SPATA31H1: variants seen among roughly 807,000 people sequenced by gnomAD.
The protein encoded by SPATA31H1 is spermatogenesis-associated protein 31H1.
At chr2:27,572,502 C>A in the SPATA31H1 span, 36 of 398,268 alleles carry the variant, frequency 9.0e-5, no homozygotes, top group Middle Eastern at 1.9e-3. Context: ...AGGTGCAAAA[C>A]CTATGGAGTT....
At chr2:27,548,760 C>A in the SPATA31H1 span, among the ~76,000 whole-genome samples, 5 of 151,466 alleles carry the variant, frequency 3.3e-5, no homozygotes, top group African/African-American at 1.2e-4. Context: ...TTATTTTATT[C>A]TGTCCATTTA....
the SPATA31H1 span, chr2:27,581,492 T>A: frequency 6.3e-7 from 1 of 1,581,156 alleles, no homozygotes; most frequent in East Asian, 2.2e-5. Context: ...GCCATCGCGG[T>A]CCCTCTCAGA....
At chr2:27,548,607 C>CAAAA in the SPATA31H1 span, among the ~76,000 whole-genome samples, 2 of 120,266 alleles carry the variant, frequency 1.7e-5, no homozygotes, top group Non-Finnish European at 3.5e-5. Context: ...GGCCCTGTTT[C>CAAAA]AAAAAAAAAA....
chr2:27,570,308 T>A, the SPATA31H1 span: 1 of 398,906 alleles, frequency 2.5e-6, no homozygotes, highest in Non-Finnish European at 4.4e-6. Flanking sequence ...GCATGAAATC[T>A]GCGAAATTGA....
At chr2:27,540,262 C>T in the SPATA31H1 span, among the ~76,000 whole-genome samples, 1 of 112,230 alleles carries the variant, frequency 8.9e-6, no homozygotes, top group Non-Finnish European at 1.9e-5. Context: ...GCTGGCCGGG[C>T]GGGGGGCTGA....
the SPATA31H1 span, among the ~76,000 whole-genome samples, chr2:27,540,568 C>T: frequency 7.1e-6 from 1 of 141,310 alleles, no homozygotes; most frequent in Admixed American, 6.8e-5. Flanking sequence ...GGCTGCCGGG[C>T]GGAGACGCTC....
At chr2:27,575,797 C>A in the SPATA31H1 span, 1 of 398,542 alleles carries the variant, frequency 2.5e-6, no homozygotes, top group South Asian at 1.3e-4. The surrounding 1 kb of genome is among the most constrained non-coding windows in gnomAD (Gnocchi z 4.1). Flanking sequence ...GGTGTGAATT[C>A]TGCATTCATT....
the SPATA31H1 span, among the ~76,000 whole-genome samples, chr2:27,546,756 C>T: frequency 6.6e-6 from 1 of 152,050 alleles, no homozygotes; most frequent in East Asian, 1.9e-4. Context: ...TGGTCTCGAA[C>T]TCCTCAGTTC....
the SPATA31H1 span, among the ~76,000 whole-genome samples, chr2:27,555,535 G>T: frequency 4.0e-5 from 6 of 151,820 alleles, no homozygotes; most frequent in African/African-American, 1.5e-4. Context: ...CTGGCTGGGT[G>T]TGGTGGTGTG....
At chr2:27,573,119 G>A in the SPATA31H1 span, 16 of 393,606 alleles carry the variant, frequency 4.1e-5, no homozygotes, top group Middle Eastern at 6.5e-4. Context: ...CCACAGAGTC[G>A]GGAGGTGTAA....
At chr2:27,561,176 C>G in the SPATA31H1 span, among the ~76,000 whole-genome samples, 91 of 152,182 alleles carry the variant, frequency 6.0e-4, 1 homozygote, top group Admixed American at 4.7e-3. Flanking sequence ...ACGAAAAATA[C>G]AAAAATGACC....
the SPATA31H1 span, chr2:27,576,602 AG>A: frequency 6.3e-7 from 1 of 1,593,768 alleles, no homozygotes; most frequent in South Asian, 1.1e-5. Flanking sequence ...CCCAACAGCA[AG>A]GTATAAATTA....
chr2:27,547,983 T>C, the SPATA31H1 span, among the ~76,000 whole-genome samples: 4 of 145,232 alleles, frequency 2.8e-5, no homozygotes, highest in Admixed American at 6.8e-5. Flanking sequence ...TAATTTCTTT[T>C]TTTTTTTTTT....
chr2:27,578,098 T>G, the SPATA31H1 span: 5 of 1,613,954 alleles, frequency 3.1e-6, no homozygotes, highest in Non-Finnish European at 4.2e-6. Flanking sequence ...GTCCCAAAAG[T>G]TGTTCAATCT....
At chr2:27,544,240 T>G in the SPATA31H1 span, among the ~76,000 whole-genome samples, 88,321 of 151,810 alleles carry the variant, frequency 0.58, 26,639 homozygotes, top group East Asian at 0.85. Flanking sequence ...AAAATGCACA[T>G]ATATTAATTG....
chr2:27,563,394 T>TTC, the SPATA31H1 span, among the ~76,000 whole-genome samples: 1 of 122,148 alleles, frequency 8.2e-6, no homozygotes. Context: ...TCTTTTTTTT[T>TTC]TTTTTTTTTT....
chr2:27,567,701 A>C, the SPATA31H1 span: 2 of 400,484 alleles, frequency 5.0e-6, no homozygotes, highest in East Asian at 7.1e-5. Flanking sequence ...AGAATGATCC[A>C]AAACATGTGC....
At chr2:27,543,465 A>G in the SPATA31H1 span, among the ~76,000 whole-genome samples, 2 of 145,366 alleles carry the variant, frequency 1.4e-5, no homozygotes, top group Non-Finnish European at 3.0e-5. Context: ...TTTCACATCA[A>G]TTGGGTATGA....
At chr2:27,550,959 A>T in the SPATA31H1 span, among the ~76,000 whole-genome samples, 2 of 150,936 alleles carry the variant, frequency 1.3e-5, no homozygotes, top group Non-Finnish European at 1.5e-5. Context: ...GTATGATCTC[A>T]GCTCACTGCA....
Sources: allele counts gnomAD v4.1 joint callset (sites outside exome capture counted in the v4.1 genomes callset), GRCh38; gene constraint gnomAD v4.1.1; non-coding constraint Gnocchi (gnomAD v3.1); transcripts MANE v1.5; gene names NCBI Gene and HGNC (gene_info 2026-07-23, HGNC 2026-07-21).